ARSF: variants seen among roughly 807,000 people sequenced by gnomAD.
ARSF encodes arylsulfatase F.
Under a neutral mutation model 35.4 loss-of-function variants are expected in ARSF, and 33 were observed. The ratio of observed to expected loss-of-function variants is 0.93; its 90% CI spans 0.71 to 1.25. ARSF has a LOEUF of 1.25. ARSF is among the 50% of genes most tolerant of loss of function. The pLI is 0.00. For synonymous variants in ARSF, 222 were observed against 193.1 expected (o/e 1.15, Z -1.24); for missense variants, 501 against 480.2 (o/e 1.04, Z -0.40).
intron 1 of ARSF, among the ~76,000 whole-genome samples, chrX:3,059,086 A>C (rs907261090): frequency 1.8e-5 from 2 of 111,818 alleles, no homozygotes; most frequent in Non-Finnish European, 3.8e-5. Flanking sequence ...CTAATTCACC[A>C]ATGAGACTGC....
chrX:3,093,989 A>G (rs1312004898), intron 7 of ARSF, among the ~76,000 whole-genome samples: 1 of 112,010 alleles, frequency 8.9e-6, no homozygotes, highest in East Asian at 2.8e-4. Flanking sequence ...GATAGATTAT[A>G]GATGGATACA....
intron 10 of ARSF, 47 bp from the exon 11 acceptor site, chrX:3,112,127 C>T (rs771157390): frequency 7.4e-6 from 8 of 1,078,622 alleles, no homozygotes; most frequent in East Asian, 3.0e-5. Context: ...TTCCTTTGAT[C>T]TGGCTGAAGT....
rs765161980 is a variant in ARSF at position 3,080,213 on chromosome X, T to A, written c.284-678T>A. Among the ~76,000 whole-genome samples the A allele has an allele frequency of 3.1e-4, 27 of 88,070 alleles. No homozygotes were observed. In the Admixed American group the frequency reaches 3.4e-3, roughly 11 times the overall value. 76.5% of individuals were successfully genotyped at this position (88,070 alleles called of 115,157 possible). A position where few individuals can be genotyped will look rare whatever the true frequency, so the allele number is the denominator to read the frequency against. On this transcript the variant is annotated intron_variant, in intron 4 of 10. Transcript: ENST00000381127. Reference sequence around the variant, plus strand: ...TTTTTTGGCTGAGTGCAGTGGCTCATGCCTGTAATCCCAGCACTTTGGGAG... The same window carrying A: ...TTTTTTGGCTGAGTGCAGTGGCTCAAGCCTGTAATCCCAGCACTTTGGGAG...
chrX:3,077,789 TTTATTATTA>T (rs760984034), intron 4 of ARSF, among the ~76,000 whole-genome samples: 1 of 92,225 alleles, frequency 1.1e-5, no homozygotes, highest in Non-Finnish European at 2.1e-5. Context: ...TTTTATTTTA[TTTATTATTA>T]TTATTATTAT....
rs1172497780 is a variant in ARSF at position 3,089,503 on chromosome X, A to G, written c.838A>G (p.Lys280Glu). The G allele has an allele frequency of 3.3e-6, 4 of 1,209,425 alleles. No homozygotes were observed. Among genetic ancestry groups the G allele is most frequent in the Non-Finnish European group, 4.5e-6 (4 of 894,833 alleles). Residue 280 changes from lysine to glutamate, a missense_variant, in exon 7 of 11, where the codon AAG becomes GAG. By Grantham distance (56) the Lys-to-Glu change is moderately conservative. Coordinates refer to ENST00000381127, the MANE Select transcript of ARSF (RefSeq NM_001201539.2). ...EAISFLERHS[K>E]ETFLLFFSFL... is the part of the protein sequence containing the mutation. ...TCATTGATGTCTTCTCAGGCACAGT[A>G]AGGAAACTTTCCTTCTCTTTTTCTC...
intron 5 of ARSF, among the ~76,000 whole-genome samples, chrX:3,082,419 T>C (rs1280474574): frequency 9.0e-6 from 1 of 111,693 alleles, no homozygotes; most frequent in Non-Finnish European, 1.9e-5. Flanking sequence ...TGTCTATTGA[T>C]CAATCCATCA....
chrX:3,048,540 G>C (rs777258466), intron 1 of ARSF, among the ~76,000 whole-genome samples: 10 of 112,335 alleles, frequency 8.9e-5, no homozygotes, highest in East Asian at 2.8e-4. Flanking sequence ...CTTTTGTCTC[G>C]TGTCTACTTC....
intron 1 of ARSF, among the ~76,000 whole-genome samples, chrX:3,051,488 G>A (rs767998215): frequency 5.4e-5 from 6 of 112,043 alleles, no homozygotes; most frequent in Non-Finnish European, 9.4e-5. Flanking sequence ...AAAGAGTTCC[G>A]TGATGAAACG....
At chrX:3,065,744 T>C (rs1485970253) in intron 1 of ARSF, among the ~76,000 whole-genome samples, 1 of 110,877 alleles carries the variant, frequency 9.0e-6, no homozygotes, top group African/African-American at 3.3e-5. Context: ...ACAATTCCAG[T>C]TCAAAATTCC....
At chrX:3,067,872 G>T (rs1432607099) in intron 1 of ARSF, among the ~76,000 whole-genome samples, 1 of 109,533 alleles carries the variant, frequency 9.1e-6, no homozygotes, top group African/African-American at 3.3e-5. Flanking sequence ...AAAAAAAAAG[G>T]TCAAAAGAAT....
chrX:3,052,761 C>T lies in ARSF; in HGVS notation c.-29+11098C>T, dbSNP rs139392701. Among the ~76,000 whole-genome samples, 3 of 110,173 alleles carry T rather than the reference C, an allele frequency of 2.7e-5. No individual in the cohort carries two copies. The East Asian group carries it at 8.5e-4, about 31-fold the overall frequency. Reference sequence around the variant, plus strand: ...AGTATAAAACCTATCTCCCTGATTGCAGCTACCTTTTTTTATGCATACGCC... The same window carrying T: ...AGTATAAAACCTATCTCCCTGATTGTAGCTACCTTTTTTTATGCATACGCC... On this transcript the variant is annotated intron_variant, in intron 1 of 10. Coordinates refer to ENST00000381127, the MANE Select transcript of ARSF (RefSeq NM_001201539.2).
At chrX:3,058,998 T>C (rs774737428) in intron 1 of ARSF, among the ~76,000 whole-genome samples, 4 of 112,239 alleles carry the variant, frequency 3.6e-5, no homozygotes, top group African/African-American at 1.3e-4. Flanking sequence ...GAATACTTAT[T>C]CCATGGAGAA....
intron 1 of ARSF, among the ~76,000 whole-genome samples, chrX:3,046,927 CATAAA>C (rs2089977690): frequency 9.1e-6 from 1 of 109,603 alleles, no homozygotes. Flanking sequence ...TTGGGCCATG[CATAAA>C]ATACACAAAC....
Position 3,103,931 on chromosome X carries a change from T to C in ARSF, c.1265+7T>C, listed in dbSNP as rs1329171987. The C allele has an allele frequency of 1.3e-5, 16 of 1,205,642 alleles. No homozygotes were observed. Among genetic ancestry groups the C allele is most frequent in the Admixed American group, 2.2e-5 (1 of 45,661 alleles). On this transcript the variant is annotated splice_region_variant and intron_variant, in intron 9 of 10. Transcript: ENST00000381127. ...GAAGTCTCCCTCAGGACAGGTGATG[T>C]CATATAAACTGTTAACAAGAGCTTA...
At chrX:3,068,727 C>T (rs1452357842) in intron 2 of ARSF, among the ~76,000 whole-genome samples, 2 of 111,327 alleles carry the variant, frequency 1.8e-5, no homozygotes, top group Non-Finnish European at 3.8e-5. Context: ...TGTGCCCAGC[C>T]GTATACATGA....
chrX:3,090,915 CTTT>C (rs374014933), intron 7 of ARSF, among the ~76,000 whole-genome samples: 2 of 101,932 alleles, frequency 2.0e-5, no homozygotes, highest in Admixed American at 1.1e-4. Flanking sequence ...GTGCACATGT[CTTT>C]TTTTTTTTTT....
chrX:3,112,196 C>T lies in ARSF; in HGVS notation c.1413C>T (p.His471=). ...KDDSGSVWKA[H]YVTPVFQPPA... is the part of the protein sequence containing the mutation. ...CAGGTGGGTCAGTTTGGAAGGCTCACTATGTGACCCCGGTATTCCAGCCAC... is the reference window on the plus strand; with the variant it reads ...CAGGTGGGTCAGTTTGGAAGGCTCATTATGTGACCCCGGTATTCCAGCCAC... The change falls in exon 11 of 11, where the codon CAC becomes CAT. Residue 471 remains histidine, a synonymous_variant. Transcript: ENST00000381127. 6.6e-6 allele frequency: 8 copies of T among 1,208,884 alleles called. No individual in the cohort carries two copies. Among genetic ancestry groups the T allele is most frequent in the Non-Finnish European group, 5.6e-6 (5 of 894,218 alleles).
At chrX:3,111,097 C>A (rs2090442017) in intron 10 of ARSF, among the ~76,000 whole-genome samples, 1 of 109,784 alleles carries the variant, frequency 9.1e-6, no homozygotes, top group Non-Finnish European at 1.9e-5. Context: ...CAAGAGAAGC[C>A]AGCACCTTGG....
At chrX:3,111,596 G>C (rs922952742) in intron 10 of ARSF, among the ~76,000 whole-genome samples, 5 of 110,997 alleles carry the variant, frequency 4.5e-5, no homozygotes, top group Non-Finnish European at 7.5e-5. Context: ...TGGCACCAGG[G>C]ACCAGTTTTG....
Sources: allele counts gnomAD v4.1 joint callset (sites outside exome capture counted in the v4.1 genomes callset), GRCh38; gene constraint gnomAD v4.1.1; transcripts MANE v1.5; gene names NCBI Gene and HGNC (gene_info 2026-07-23, HGNC 2026-07-21).